The following CEP152 variants were observed in gnomAD, a reference collection of about 807,000 sequenced individuals.
The protein encoded by CEP152 is centrosomal protein 152, also known as centrosomal protein of 152 kDa.
CEP152 carries 132 observed loss-of-function variants against 188.9 expected under a neutral mutation model. The ratio of observed to expected loss-of-function variants is 0.70; its 90% confidence interval spans 0.61 to 0.81. CEP152 has a LOEUF of 0.81. Among genes scored for constraint, CEP152 ranks in the 30% least tolerant of loss-of-function variants. CEP152 has a pLI of 0.00. For synonymous variants in CEP152, 649 were observed against 666.6 expected, an observed-to-expected ratio of 0.97 and a Z score of 0.41; for missense variants, 1,914 against 1,969.8, an observed-to-expected ratio of 0.97 and a Z score of 0.54.
chr15:48,771,622 T>G (rs1273753775), intron 13 of CEP152, among the ~76,000 whole-genome samples: 1 of 152,234 alleles, frequency 6.6e-6, no homozygotes, highest in Non-Finnish European at 1.5e-5. Flanking sequence ...CTAATTGGTA[T>G]CTCATTTACT....
At chr15:48,807,561 C>CAAAAAAA in intron 1 of CEP152, among the ~76,000 whole-genome samples, 2 of 109,114 alleles carry the variant, frequency 1.8e-5, no homozygotes, top group South Asian at 5.7e-4. Context: ...GACTCCGTCT[C>CAAAAAAA]AAAAAAAAAA....
downstream of CEP152, among the ~76,000 whole-genome samples, chr15:48,733,385 A>G (rs1892490610): frequency 6.6e-6 from 1 of 152,254 alleles, no homozygotes; most frequent in African/African-American, 2.4e-5. Context: ...AGAAAGTTCA[A>G]TAGCTGAAAT....
Position 48,739,125 on chromosome 15 carries a change from T to C in CEP152, c.4257A>G (p.Leu1419=). 1.2e-6 allele frequency: 2 copies of C among 1,614,198 alleles called. No homozygotes were observed. The highest frequency in any genetic ancestry group is 2.2e-5 in the South Asian group (2 of 91,082). ...QAPKRRAACN[L]QRLLENSEHQ... ...GCTCTGAGTTCTCTAACAGCCTTTGTAAGTTACAAGCTGCCCTCCTCTTGG... is the reference window on the plus strand; with the variant it reads ...GCTCTGAGTTCTCTAACAGCCTTTGCAAGTTACAAGCTGCCCTCCTCTTGG... Residue 1419 remains leucine (L), a synonymous_variant, in exon 27 of 27, where the codon TTA becomes TTG. Coordinates refer to ENST00000380950, the MANE Select transcript of CEP152 (RefSeq NM_001194998.2).
intron 24 of CEP152, among the ~76,000 whole-genome samples, chr15:48,742,810 A>T (rs1036808259): frequency 2.8e-4 from 41 of 146,624 alleles, no homozygotes; most frequent in Non-Finnish European, 3.8e-4. Context: ...GCTAACTTTT[A>T]TTTTTTTTTT....
chr15:48,787,955 T>A (rs1476430668), intron 9 of CEP152, among the ~76,000 whole-genome samples: 1 of 152,202 alleles, frequency 6.6e-6, no homozygotes. Flanking sequence ...GCAAATCTCA[T>A]TAAGTCTAGA....
chr15:48,790,726 C>T (rs1240838781), intron 8 of CEP152, among the ~76,000 whole-genome samples: 3 of 152,194 alleles, frequency 2.0e-5, no homozygotes, highest in African/African-American at 7.2e-5. Context: ...GCCACCACGC[C>T]CAGCTAATTT....
intron 12 of CEP152, among the ~76,000 whole-genome samples, chr15:48,775,565 T>A (rs557260911): frequency 1.3e-5 from 2 of 152,218 alleles, no homozygotes; most frequent in South Asian, 4.1e-4. Flanking sequence ...AATATAAGGA[T>A]ATTTTCATAA....
chr15:48,768,505 A>G (rs1169419483), intron 14 of CEP152, among the ~76,000 whole-genome samples, 177 bp from the exon 15 acceptor site: 2 of 152,220 alleles, frequency 1.3e-5, no homozygotes, highest in African/African-American at 4.8e-5. Flanking sequence ...ATAAGAACAT[A>G]GATTCATTTA....
chr15:48,762,742 G>T, intron 17 of CEP152, 70 bp from the exon 18 acceptor site: 1 of 1,477,572 alleles, frequency 6.8e-7, no homozygotes, highest in Non-Finnish European at 9.3e-7. Context: ...TTAAAAGCTA[G>T]CCAGAAAAGC....
intron 1 of CEP152, among the ~76,000 whole-genome samples, chr15:48,808,472 T>C (rs954461257): frequency 2.0e-5 from 3 of 152,052 alleles, no homozygotes; most frequent in African/African-American, 7.2e-5. Context: ...ATAAAATTAT[T>C]ACAAAGAAAT....
intron 12 of CEP152, among the ~76,000 whole-genome samples, chr15:48,779,093 C>T (rs577690772): frequency 6.6e-6 from 1 of 152,250 alleles, no homozygotes; most frequent in African/African-American, 2.4e-5. Flanking sequence ...TATTATTTAT[C>T]CAATTCCCAG....
downstream of CEP152, among the ~76,000 whole-genome samples, chr15:48,733,081 C>T (rs1168864982): frequency 2.0e-5 from 3 of 152,076 alleles, no homozygotes; most frequent in Non-Finnish European, 2.9e-5. Context: ...GATATACTGT[C>T]TTAAAATATA....
Position 48,744,299 on chromosome 15 carries a change from C to T in CEP152, c.3776G>A (p.Ser1259Asn). ...ACGAAGTTCTTCCAAGGCTCCCCCA[C>T]TGCATGGCAGGCAAGCATTTTCAAT... Reference protein sequence around the residue: ...GAIENACLPCSGGALEELRGQ... With the variant: ...GAIENACLPCNGGALEELRGQ... Residue 1259 changes from serine (S) to asparagine (N), a missense_variant, in exon 24 of 27, where the codon AGT (serine) becomes AAT (asparagine). Transcript: ENST00000380950. The T allele has an allele frequency of 6.2e-7, 1 of 1,614,080 alleles. No homozygotes were observed. Among genetic ancestry groups the T allele is most frequent in the Non-Finnish European group, 8.5e-7 (1 of 1,179,970 alleles).
Position 48,745,003 on chromosome 15 carries a change from A to G in CEP152, c.3635-11T>C, listed in dbSNP as rs747426524. On this transcript the variant is annotated splice_polypyrimidine_tract_variant and intron_variant, in intron 22 of 26. Coordinates refer to ENST00000380950, the MANE Select transcript of CEP152 (RefSeq NM_001194998.2). Reference sequence around the variant, plus strand: ...CTTTATTATTCTCTTCTATAACAGAAAGTTTATAGTATATTAGACAGTTAA... The same window carrying G: ...CTTTATTATTCTCTTCTATAACAGAGAGTTTATAGTATATTAGACAGTTAA... The G allele has an allele frequency of 1.9e-6, 3 of 1,578,208 alleles. No individual in the cohort carries two copies. The highest frequency in any genetic ancestry group is 1.2e-5 in the South Asian group (1 of 86,648).
intron 1 of CEP152, among the ~76,000 whole-genome samples, chr15:48,808,665 T>A (rs1004577783): frequency 4.6e-5 from 7 of 152,178 alleles, no homozygotes; most frequent in Non-Finnish European, 7.4e-5. Context: ...AAACTTGTTA[T>A]CACCCAGTGG....
chr15:48,756,552 A>G lies in CEP152; in HGVS notation c.2696T>C (p.Ile899Thr), dbSNP rs1320375206. The G allele has an allele frequency of 1.7e-5, 28 of 1,604,218 alleles. No individual in the cohort carries two copies. Among genetic ancestry groups the G allele is most frequent in the Non-Finnish European group, 2.3e-5 (27 of 1,179,724 alleles). The change falls in exon 20 of 27, where the codon ATA becomes ACA. Residue 899 changes from isoleucine (I) to threonine (T), a missense_variant and splice_region_variant. Coordinates refer to ENST00000380950, the MANE Select transcript of CEP152 (RefSeq NM_001194998.2). Reference sequence around the variant, plus strand: ...TTTAGCTTCAGAAACAGCAAATGATATCTAAAGAACATAACAACATGCATT... The same window carrying G: ...TTTAGCTTCAGAAACAGCAAATGATGTCTAAAGAACATAACAACATGCATT... ...EQHEVSVNKRISFAVSEAKEK... is the reference protein window; with the variant it reads ...EQHEVSVNKRTSFAVSEAKEK...
In CEP152 at chr15:48,738,913, A is replaced by C; in HGVS notation, c.4469T>G (p.Leu1490Arg). 6.2e-7 allele frequency: 1 copy of C among 1,614,218 alleles called. No individual in the cohort carries two copies. The highest frequency in any genetic ancestry group is 8.5e-7 in the Non-Finnish European group (1 of 1,180,010). Reference protein sequence around the residue: ...DLLSDNGSESLPHSAAYPFLG... With the variant: ...DLLSDNGSESRPHSAAYPFLG... ...AAAGGGGTATGCAGCTGAATGCGGA[A>C]GTGATTCAGAACCATTATCACTGAG... The change falls in exon 27 of 27, where the codon CTT becomes CGT. Residue 1490 changes from leucine (L) to arginine (R), a missense_variant. Physicochemically the swap from Leu to Arg is moderately radical, Grantham distance 102. Coordinates refer to ENST00000380950, the MANE Select transcript of CEP152 (RefSeq NM_001194998.2).
intron 7 of CEP152, among the ~76,000 whole-genome samples, chr15:48,792,416 C>G (rs2140889143): frequency 6.6e-6 from 1 of 152,302 alleles, no homozygotes; most frequent in African/African-American, 2.4e-5. Flanking sequence ...TTTTTACCAT[C>G]AATTAAATTT....
intron 22 of CEP152, among the ~76,000 whole-genome samples, chr15:48,747,329 A>C (rs996241213): frequency 3.9e-5 from 6 of 152,164 alleles, no homozygotes; most frequent in Admixed American, 2.6e-4. Flanking sequence ...TTTTTTGTCC[A>C]TTTAAATATT....
Sources: allele counts gnomAD v4.1 joint callset (sites outside exome capture counted in the v4.1 genomes callset), GRCh38; gene constraint gnomAD v4.1.1; transcripts MANE v1.5; gene names NCBI Gene and HGNC (gene_info 2026-07-23, HGNC 2026-07-21).